Variants in TADA1 observed in about 807,000 individuals in gnomAD.
TADA1 encodes transcriptional adapter 1.
TADA1 carries 23 observed loss-of-function variants against 39.3 expected under a neutral mutation model. The observed-to-expected ratio is 0.58, with a 90% confidence interval of 0.42 to 0.83. TADA1 has a LOEUF of 0.83. Among genes scored for constraint, TADA1 ranks in the 40% least tolerant of loss-of-function variants. The probability of loss-of-function intolerance (pLI) is 0.00; values close to 1 mark genes in which losing one functional copy is unlikely to be tolerated. For synonymous variants in TADA1, 137 were observed against 151.8 expected (o/e 0.90, Z 0.72); for missense variants, 352 against 408.1 (o/e 0.86, Z 1.18).
In TADA1 at chr1:166,857,756, TGAGTA is replaced by T. The variant is rs751315971; in HGVS notation, c.856-42_856-38del. 1.0e-5 allele frequency: 16 copies of T among 1,594,992 alleles called. No individual in the cohort carries two copies. The East Asian group carries it at 3.6e-4, about 36-fold the overall frequency. ...AAATTAACGCATGTCCAATTATACTTGAGTAGACTTATTTTTCTGACATATAAAAG... is the reference window on the plus strand; with the variant it reads ...AAATTAACGCATGTCCAATTATACTTGACTTATTTTTCTGACATATAAAAG... On this transcript the variant is annotated intron_variant, in intron 7 of 7. Coordinates refer to ENST00000367874, the MANE Select transcript of TADA1 (RefSeq NM_053053.4).
At chr1:166,874,072 G>A (rs776480227) in intron 1 of TADA1, among the ~76,000 whole-genome samples, 2 of 151,884 alleles carry the variant, frequency 1.3e-5, no homozygotes, top group Non-Finnish European at 2.9e-5. Flanking sequence ...GCTGGGCGCG[G>A]TGGCTCACGT....
intron 3 of TADA1, among the ~76,000 whole-genome samples, chr1:166,866,749 TA>T (rs1424330343): frequency 2.1e-5 from 3 of 145,002 alleles, no homozygotes; most frequent in African/African-American, 7.4e-5. Context: ...TTTTTATTTT[TA>T]TTTTTTTTTT....
In TADA1 at chr1:166,870,213, T is replaced by C. The variant is rs115437993; in HGVS notation, c.75-359A>G. Among the ~76,000 whole-genome samples, 627 of 152,356 alleles carry C rather than the reference T, an allele frequency of 4.1e-3. 2 individuals carry two copies. Among genetic ancestry groups the C allele is most frequent in the African/African-American group, 0.014 (592 of 41,592 alleles). On this transcript the variant is annotated intron_variant, in intron 1 of 7. Coordinates refer to ENST00000367874, the MANE Select transcript of TADA1 (RefSeq NM_053053.4). ...TTCAGAATATGACTCTATTTGGAGATTGGGCCTTTAAATAGTAATTAAGAT... is the reference window on the plus strand; with the variant it reads ...TTCAGAATATGACTCTATTTGGAGACTGGGCCTTTAAATAGTAATTAAGAT...
intron 6 of TADA1, 23 bp from the exon 7 acceptor site, chr1:166,858,304 T>G: frequency 6.6e-7 from 1 of 1,519,220 alleles, no homozygotes. Context: ...ATTTCAGAAA[T>G]AGTCCCAGCA....
intron 3 of TADA1, among the ~76,000 whole-genome samples, chr1:166,866,381 T>G (rs1340711000): frequency 6.6e-6 from 1 of 152,180 alleles, no homozygotes; most frequent in East Asian, 1.9e-4. Flanking sequence ...AGAATTGTTG[T>G]GAGGATTAAA....
At chr1:166,859,941 C>A (rs1476695452) in intron 6 of TADA1, among the ~76,000 whole-genome samples, 1 of 152,094 alleles carries the variant, frequency 6.6e-6, no homozygotes, top group Non-Finnish European at 1.5e-5. Flanking sequence ...AAAGTCGGGG[C>A]GGGGGGACAA....
Position 166,867,624 on chromosome 1 carries a change from G to A in TADA1, c.232+1821C>T, listed in dbSNP as rs371748092. 3.1e-4 allele frequency among the ~76,000 whole-genome samples: 47 copies of A among 149,612 alleles called. 1 individual carries two copies. In the South Asian group the frequency reaches 9.3e-3, roughly 30 times the overall value. On this transcript the variant is annotated intron_variant, in intron 3 of 7. Transcript: ENST00000367874. Reference sequence around the variant, plus strand: ...TTTTTAAACACAGTTTCACTCTGTCGCCCAGGCTGAAGTGCCGTGGCACAA... The same window carrying A: ...TTTTTAAACACAGTTTCACTCTGTCACCCAGGCTGAAGTGCCGTGGCACAA...
intron 5 of TADA1, among the ~76,000 whole-genome samples, chr1:166,861,468 T>G (rs140637421): frequency 3.1e-4 from 47 of 152,312 alleles, no homozygotes; most frequent in African/African-American, 9.6e-4. Flanking sequence ...CAAATTAGTT[T>G]TGTCAAGTAA....
chr1:166,859,227 C>T (rs4657608), intron 6 of TADA1, among the ~76,000 whole-genome samples: 99,840 of 151,918 alleles, frequency 0.66, 33,802 homozygotes, highest in East Asian at 0.88. Context: ...ATCAACACTC[C>T]CTCTATCCAA....
intron 1 of TADA1, among the ~76,000 whole-genome samples, chr1:166,871,840 A>T (rs188508761): frequency 9.1e-4 from 138 of 152,310 alleles, no homozygotes; most frequent in African/African-American, 3.0e-3. Flanking sequence ...ACAACAAAAA[A>T]AATAAAATAA....
chr1:166,863,993 G>C, intron 3 of TADA1, 72 bp from the exon 4 acceptor site: 2 of 1,284,334 alleles, frequency 1.6e-6, no homozygotes, highest in South Asian at 2.7e-5. Flanking sequence ...GTTTTCATTT[G>C]GGGTAAAAAG....
chr1:166,862,461 A>G (rs1341526379), intron 4 of TADA1, 49 bp from the exon 5 acceptor site: 3 of 1,478,960 alleles, frequency 2.0e-6, no homozygotes, highest in Middle Eastern at 1.8e-4. Flanking sequence ...GTAGCAAACA[A>G]GACACAAAGT....
At chr1:166,873,334 C>T (rs1294643390) in intron 1 of TADA1, among the ~76,000 whole-genome samples, 1 of 152,038 alleles carries the variant, frequency 6.6e-6, no homozygotes, top group African/African-American at 2.4e-5. Context: ...AAATCAGGCA[C>T]CTATTTGAAC....
chr1:166,863,709 T>C, intron 4 of TADA1, 115 bp downstream of exon 4: 2 of 932,958 alleles, frequency 2.1e-6, no homozygotes, highest in Admixed American at 4.9e-5. Context: ...CAAATCATAC[T>C]CCTTTTTTTC....
intron 7 of TADA1, 100 bp from the exon 8 acceptor site, chr1:166,857,819 T>C: frequency 1.5e-6 from 2 of 1,331,842 alleles, no homozygotes. Flanking sequence ...ACACAATCTA[T>C]AAACTTTCAG....
At chr1:166,868,441 G>T (rs182764197) in intron 3 of TADA1, among the ~76,000 whole-genome samples, 1 of 143,372 alleles carries the variant, frequency 7.0e-6, no homozygotes, top group Non-Finnish European at 1.6e-5. Flanking sequence ...TCCCCACTAC[G>T]GACACCTTTC....
At chr1:166,867,730 C>T (rs893633804) in intron 3 of TADA1, among the ~76,000 whole-genome samples, 5 of 152,180 alleles carry the variant, frequency 3.3e-5, no homozygotes, top group East Asian at 1.9e-4. Context: ...TGCGCCACCA[C>T]GCCCGGCTAA....
At chr1:166,865,282 A>C (rs1451168123) in intron 3 of TADA1, among the ~76,000 whole-genome samples, 3 of 152,156 alleles carry the variant, frequency 2.0e-5, no homozygotes, top group Non-Finnish European at 4.4e-5. Flanking sequence ...GAGCAATAAG[A>C]CAGAGATGTT....
Position 166,868,127 on chromosome 1 carries a change from AT to A in TADA1, c.232+1317del, listed in dbSNP as rs201422932. 8.6e-3 allele frequency among the ~76,000 whole-genome samples: 1,307 copies of A among 152,220 alleles called. 13 individuals carry two copies. The highest frequency in any genetic ancestry group is 0.024 in the African/African-American group (1,006 of 41,546). ...ACTACTGAATAAATCATTTGGCCTA[AT>A]TTTTTTTAAAAAGTCCAGTATGACT... On this transcript the variant is annotated intron_variant, in intron 3 of 7. Coordinates refer to ENST00000367874, the MANE Select transcript of TADA1 (RefSeq NM_053053.4).
Sources: gnomAD v4.1 joint callset for allele counts (sites outside exome capture counted in the v4.1 genomes callset) on GRCh38, gnomAD v4.1.1 for gene constraint, MANE v1.5 for transcripts, NCBI Gene and HGNC (gene_info 2026-07-23, HGNC 2026-07-21) for gene names.